Variants in SOX5 observed in about 807,000 individuals in gnomAD.
The protein encoded by SOX5 is SRY-box transcription factor 5.
Under a neutral mutation model 92.0 loss-of-function variants are expected in SOX5, and 9 were observed. The observed-to-expected ratio is 0.10, with a 90% CI of 0.06 to 0.17. The LOEUF (loss-of-function observed/expected upper bound fraction) is 0.17, where lower values mean the gene tolerates loss of function less well. Ranked by LOEUF, SOX5 falls within the 10% of genes least tolerant of loss-of-function variation. SOX5 has a pLI of 1.00. For missense variants in SOX5, 642 were observed against 944.5 expected (o/e 0.68, Z 4.20); for synonymous variants, 344 against 336.3 (o/e 1.02, Z -0.25).
intron 1 of SOX5, among the ~76,000 whole-genome samples, chr12:24,540,681 G>A (rs1024605771): frequency 2.0e-5 from 3 of 152,120 alleles, no homozygotes; most frequent in African/African-American, 7.2e-5. Flanking sequence ...AGACAATTTC[G>A]AGAGAGGAAG....
intron 1 of SOX5, among the ~76,000 whole-genome samples, chr12:24,499,759 T>C (rs1318544566): frequency 6.6e-6 from 1 of 151,818 alleles, no homozygotes; most frequent in East Asian, 1.9e-4. Flanking sequence ...TCTGCCTTTT[T>C]TTTTTTTTTT....
chr12:23,749,259 C>T (rs2094108344), intron 4 of SOX5, among the ~76,000 whole-genome samples: 1 of 151,864 alleles, frequency 6.6e-6, no homozygotes, highest in Non-Finnish European at 1.5e-5. Context: ...AGATACCCGT[C>T]AGAAGTTGGA....
At position 23,636,093 on chromosome 12, in the gene SOX5, T is replaced by C. The variant is rs973429797; in HGVS notation, c.1017+4719A>G. On this transcript the variant is annotated intron_variant, in intron 8 of 14. Transcript: ENST00000451604. ...ATTTCTGTATATTTCCTCTTCATAG[T>C]CAACAAGCAGTTGGCTAATGTGAAT... Among the ~76,000 whole-genome samples, 10 of 152,164 alleles carry C rather than the reference T, an allele frequency of 6.6e-5. No individual in the cohort carries two copies. The East Asian group carries it at 1.3e-3, about 21-fold the overall frequency.
chr12:23,600,008 T>C (rs1395449502), intron 9 of SOX5, among the ~76,000 whole-genome samples: 1 of 152,218 alleles, frequency 6.6e-6, no homozygotes, highest in African/African-American at 2.4e-5. Context: ...ACATTGCATA[T>C]TGGTTCATTC....
intron 1 of SOX5, among the ~76,000 whole-genome samples, chr12:24,433,914 G>T (rs1938889568): frequency 1.3e-5 from 2 of 152,160 alleles, no homozygotes; most frequent in South Asian, 4.1e-4. Flanking sequence ...ATGTCAAATA[G>T]CAAGAGAGCT....
intron 1 of SOX5, among the ~76,000 whole-genome samples, chr12:24,498,934 G>A (rs1947911333): frequency 6.6e-6 from 1 of 152,112 alleles, no homozygotes; most frequent in Non-Finnish European, 1.5e-5. Context: ...CATAGTGCTT[G>A]CCGTTTACCT....
intron 4 of SOX5, among the ~76,000 whole-genome samples, chr12:24,095,998 T>TA (rs1945361296): frequency 1.3e-5 from 2 of 152,200 alleles, no homozygotes; most frequent in Admixed American, 1.3e-4. Context: ...AATGGACTAA[T>TA]ACAAACCTCT....
intron 3 of SOX5, among the ~76,000 whole-genome samples, chr12:23,802,137 G>C (rs930881129): frequency 2.0e-5 from 3 of 151,792 alleles, no homozygotes; most frequent in Admixed American, 2.0e-4. Context: ...GCAGTGGTGC[G>C]ATCTCGGCTC....
At position 24,466,095 on chromosome 12, in the gene SOX5, A is replaced by G. The variant is rs143845655; in HGVS notation, c.-251+96234T>C. Among the ~76,000 whole-genome samples, 543 of 152,302 alleles carry G rather than the reference A, an allele frequency of 3.6e-3. 2 individuals carry two copies. Among genetic ancestry groups the G allele is most frequent in the African/African-American group, 0.012 (490 of 41,554 alleles). On this transcript the variant is annotated intron_variant, in intron 1 of 4. Transcript: ENST00000446891. ...CCTTGAGAGGGTAGAAGAAAAAAAT[A>G]AGAAAGAGAAAGAGGGAGAGAGGAA...
intron 6 of SOX5, among the ~76,000 whole-genome samples, chr12:23,734,385 T>C (rs1169155636): frequency 6.6e-6 from 1 of 152,184 alleles, no homozygotes; most frequent in Non-Finnish European, 1.5e-5. Context: ...TAAGAACACT[T>C]ATAGACACGT....
Position 23,609,759 on chromosome 12 carries a change from A to G in SOX5, c.1018-5226T>C, listed in dbSNP as rs78337899. Among the ~76,000 whole-genome samples, 1,032 of 152,326 alleles carry G rather than the reference A, an allele frequency of 6.8e-3. 8 individuals are homozygous for G. Among genetic ancestry groups the G allele is most frequent in the African/African-American group, 0.024 (991 of 41,584 alleles). ...TTCCCTGAATGACTAGATCCATTCA[A>G]TCATGAACTTCCCCTAAAGTGTGGC... On this transcript the variant is annotated intron_variant, in intron 8 of 14. Transcript: ENST00000451604.
rs1183748606 is a variant in SOX5 at position 24,355,286 on chromosome 12, T to TAA, written c.-174+13276_-174+13277insTT. 2.1e-3 allele frequency among the ~76,000 whole-genome samples: 30 copies of TAA among 14,496 alleles called. 1 individual carries two copies. The highest frequency in any genetic ancestry group is 4.3e-3 in the Admixed American group (3 of 692). 9.5% of individuals were successfully genotyped at this position (14,496 alleles called of 152,430 possible). Reference sequence around the variant, plus strand: ...CAGGTGTGGTGAGGGGTGCATCTTTTTTTTTTTTTTTTTTTTTTTTTTTTT... The same window carrying TAA: ...CAGGTGTGGTGAGGGGTGCATCTTTTAATTTTTTTTTTTTTTTTTTTTTTTTT... On this transcript the variant is annotated intron_variant, in intron 2 of 4. Coordinates refer to the SOX5 transcript ENST00000446891.
intron 1 of SOX5, among the ~76,000 whole-genome samples, chr12:23,911,490 A>G (rs1045523708): frequency 1.2e-4 from 18 of 152,110 alleles, no homozygotes; most frequent in Admixed American, 7.9e-4. Context: ...AAATCTGCTC[A>G]AACTTGTTGT....
rs142404790 is a variant in SOX5, at chr12:23,946,399, T to C, written c.38+3165A>G. 9.1e-4 allele frequency among the ~76,000 whole-genome samples: 138 copies of C among 152,116 alleles called. 1 individual carries two copies. Among genetic ancestry groups the C allele is most frequent in the Middle Eastern group, 3.4e-3 (1 of 294 alleles). On this transcript the variant is annotated intron_variant, in intron 1 of 14. Coordinates refer to ENST00000451604, the MANE Select transcript of SOX5 (RefSeq NM_006940.6). The stretch of plus-strand genomic sequence containing the variant: ...GGGAAGCTTAGACACAAAACTATTA[T>C]GTTACAACCAAAGAGGACAGATAAA...
chr12:23,790,544 TCTCTCACA>T (rs1567782204), intron 3 of SOX5, among the ~76,000 whole-genome samples: 15 of 3,914 alleles, frequency 3.8e-3, no homozygotes, highest in African/African-American at 0.011. Context: ...TCTCTCTCAA[TCTCTCACA>T]CACACACACA....
chr12:23,567,190 G>T (rs189971183), intron 10 of SOX5, among the ~76,000 whole-genome samples: 1 of 152,186 alleles, frequency 6.6e-6, no homozygotes, highest in Admixed American at 6.5e-5. Context: ...AAAGGCCAAA[G>T]AGACATATAA....
At chr12:24,174,216 C>G (rs1366558816) in intron 4 of SOX5, among the ~76,000 whole-genome samples, 1 of 152,046 alleles carries the variant, frequency 6.6e-6, no homozygotes, top group African/African-American at 2.4e-5. Context: ...CCAGGATGGT[C>G]TCGAACTCCT....
chr12:24,270,836 A>G (rs915792716), intron 3 of SOX5, among the ~76,000 whole-genome samples: 2 of 152,210 alleles, frequency 1.3e-5, no homozygotes, highest in Non-Finnish European at 2.9e-5. Context: ...TCCAGCTAAT[A>G]TTAATTACAG....
At chr12:23,721,821 G>C (rs1176270699) in intron 6 of SOX5, among the ~76,000 whole-genome samples, 1 of 152,202 alleles carries the variant, frequency 6.6e-6, no homozygotes, top group Admixed American at 6.5e-5. Context: ...TACGTGCACA[G>C]GCACAAGCCA....
Sources: allele counts gnomAD v4.1 joint callset (sites outside exome capture counted in the v4.1 genomes callset), GRCh38; gene constraint gnomAD v4.1.1; transcripts MANE v1.5; gene names NCBI Gene and HGNC (gene_info 2026-07-23, HGNC 2026-07-21).